RWDD3: variants seen among roughly 807,000 people sequenced by gnomAD.
The protein encoded by RWDD3 is RWD domain containing 3.
In RWDD3, 30 loss-of-function variants were observed where a neutral mutation model predicts 26.5. The observed-to-expected ratio is 1.13, with a 90% CI of 0.85 to 1.54. The LOEUF (loss-of-function observed/expected upper bound fraction) is 1.54. Among genes scored for constraint, RWDD3 ranks in the 40% most tolerant of loss-of-function variants. RWDD3 has a pLI of 0.00. For missense variants in RWDD3, 296 were observed against 309.1 expected (o/e 0.96, Z 0.32); for synonymous variants, 113 against 114.5 (o/e 0.99, Z 0.09).
chr1:95,243,457 GT>G lies in RWDD3; in HGVS notation c.86-750del, dbSNP rs1389693679. On this transcript the variant is annotated intron_variant, in intron 1 of 3. Transcript: ENST00000370202. The stretch of plus-strand genomic sequence containing the variant: ...CCAGTTCTGTTCTACTCAGCCTGAC[GT>G]TTTATCATCTTTTTGAAAAGTGGCA... The G allele has an allele frequency of 4.6e-5, 7 of 152,346 alleles. No individual in the cohort carries two copies. In the East Asian group the frequency reaches 1.4e-3, roughly 29 times the overall value. 9.4% of individuals were successfully genotyped at this position (152,346 alleles called of 1,614,324 possible).
chr1:95,235,077 T>A (rs1446463786), intron 1 of RWDD3, among the ~76,000 whole-genome samples: 1 of 151,616 alleles, frequency 6.6e-6, no homozygotes, highest in East Asian at 1.9e-4. Flanking sequence ...GACGGAGTCT[T>A]GCTTTGTCGC....
chr1:95,235,351 C>CTTTTTTT lies in RWDD3; in HGVS notation c.85+1055_85+1061dup. 3.2e-3 allele frequency among the ~76,000 whole-genome samples: 132 copies of CTTTTTTT among 41,370 alleles called. 27 individuals are homozygous for CTTTTTTT. Among genetic ancestry groups the CTTTTTTT allele is most frequent in the East Asian group, 5.8e-3 (6 of 1,026 alleles). The allele number at this position is 41,370 out of a possible 152,430, so 27.1% of individuals were successfully genotyped here. On this transcript the variant is annotated intron_variant, in intron 1 of 3. Coordinates refer to ENST00000370202, the MANE Select transcript of RWDD3 (RefSeq NM_015485.5). The stretch of plus-strand genomic sequence containing the variant: ...ACAGGCGTGAGCCACTGCGCCCGGC[C>CTTTTTTT]TTTTTTTTTTTTTTTTTTTTTTTTT...
intron 1 of RWDD3, among the ~76,000 whole-genome samples, chr1:95,235,659 T>C (rs1465224687): frequency 1.3e-5 from 2 of 151,332 alleles, no homozygotes; most frequent in African/African-American, 4.8e-5. Flanking sequence ...GTGCCTGGCC[T>C]TCTGATACTT....
intron 1 of RWDD3, chr1:95,237,375 A>T (rs1242792891): frequency 6.6e-6 from 1 of 152,284 alleles, no homozygotes; most frequent in Non-Finnish European, 1.5e-5. Flanking sequence ...TGGAATCAGG[A>T]GAATGTTGCA....
At chr1:95,244,942 C>T (rs1680791746) in intron 2 of RWDD3, 2 of 449,230 alleles carry the variant, frequency 4.5e-6, no homozygotes, top group Admixed American at 4.1e-5. Flanking sequence ...AATAAAGTGA[C>T]AGGTTATTTA....
chr1:95,235,351 C>CTTTTTTTTTTT, intron 1 of RWDD3, among the ~76,000 whole-genome samples: 1 of 41,352 alleles, frequency 2.4e-5, no homozygotes, highest in Non-Finnish European at 4.0e-5. Flanking sequence ...TGCGCCCGGC[C>CTTTTTTTTTTT]TTTTTTTTTT....
chr1:95,241,628 C>T (rs1244595632), intron 1 of RWDD3, among the ~76,000 whole-genome samples: 1 of 152,328 alleles, frequency 6.6e-6, no homozygotes, highest in East Asian at 1.9e-4. Flanking sequence ...GCTCAGAAGG[C>T]ATTCAGAAAT....
chr1:95,236,877 G>A (rs1680384836), intron 1 of RWDD3, among the ~76,000 whole-genome samples: 1 of 152,170 alleles, frequency 6.6e-6, no homozygotes, highest in South Asian at 2.1e-4. Context: ...AAACACTGCT[G>A]AAGGGTCAGA....
At position 95,246,382 on chromosome 1, in the gene RWDD3, G is replaced by A; in HGVS notation, c.574-160G>A. On this transcript the variant is annotated intron_variant, in intron 2 of 3. Coordinates refer to ENST00000370202, the MANE Select transcript of RWDD3 (RefSeq NM_015485.5). ...CCTGTATCCACCACTACATTATTCT[G>A]CCAAGTATGTTAAAACAAGTATATA... 7.2e-6 allele frequency: 4 copies of A among 554,706 alleles called. No individual in the cohort carries two copies. In the South Asian group the frequency reaches 1.1e-4, roughly 15 times the overall value. The allele number at this position is 554,706 out of a possible 1,614,324, so 34.4% of individuals were successfully genotyped here. A position where few individuals can be genotyped will look rare whatever the true frequency, so the allele number is the denominator to read the frequency against.
At position 95,234,331 on chromosome 1, in the gene RWDD3, C is replaced by CG; in HGVS notation, c.85+19dup. 1 of 1,579,208 alleles carries CG rather than the reference C, an allele frequency of 6.3e-7. No individual in the cohort carries two copies. Among genetic ancestry groups the CG allele is most frequent in the Non-Finnish European group, 8.6e-7 (1 of 1,162,458 alleles). On this transcript the variant is annotated intron_variant, in intron 1 of 3. Transcript: ENST00000370202. ...AGCCGCTCAGGTGACTACCCGCGCG[C>CG]GGGAGGGACAGGGCGCCCTCAGGGG...
chr1:95,239,850 T>C (rs954323843), intron 1 of RWDD3: 1 of 1,289,656 alleles, frequency 7.8e-7, no homozygotes, highest in African/African-American at 1.5e-5. Flanking sequence ...TTTTCAAGAC[T>C]TTCCCCCTGG....
intron 1 of RWDD3, among the ~76,000 whole-genome samples, chr1:95,234,972 A>C (rs2101087147): frequency 6.6e-6 from 1 of 151,934 alleles, no homozygotes; most frequent in East Asian, 1.9e-4. Flanking sequence ...GACTCACTGC[A>C]GCCTCCGCCT....
chr1:95,241,996 G>C (rs1052012800), intron 1 of RWDD3, among the ~76,000 whole-genome samples: 2 of 152,000 alleles, frequency 1.3e-5, no homozygotes, highest in African/African-American at 4.8e-5. Context: ...CTATCAACTC[G>C]AGGTAAAGAG....
intron 1 of RWDD3, among the ~76,000 whole-genome samples, chr1:95,235,308 T>C (rs1275420389): frequency 2.2e-5 from 3 of 138,738 alleles, no homozygotes; most frequent in Non-Finnish European, 3.1e-5. Flanking sequence ...CGCCTCGGCC[T>C]CCGAAAGTGC....
At chr1:95,234,420 G>T (rs1348751376) in intron 1 of RWDD3, 105 bp downstream of exon 1, 2 of 1,020,494 alleles carry the variant, frequency 2.0e-6, no homozygotes, top group Non-Finnish European at 3.0e-6. Flanking sequence ...CTGGGCCCAC[G>T]TATGGGGACC....
rs1034551680 is a variant in RWDD3 at position 95,234,215 on chromosome 1, G to A, written c.-16G>A. 1 of 1,574,056 alleles carries A rather than the reference G, an allele frequency of 6.4e-7. No homozygotes were observed. Among genetic ancestry groups the A allele is most frequent in the East Asian group, 2.3e-5 (1 of 42,864 alleles). ...GCAGCGGAAGGGGAAGCGCTGAGGC[G>A]GTGGGGCCCACAGCCATGGCGGAGC... is the stretch of plus-strand genomic sequence containing the variant. On this transcript the variant is annotated 5_prime_UTR_variant, in exon 1 of 4. Transcript: ENST00000370202.
chr1:95,239,406 G>T (rs1301680893), intron 1 of RWDD3, among the ~76,000 whole-genome samples: 1 of 152,138 alleles, frequency 6.6e-6, no homozygotes, highest in Non-Finnish European at 1.5e-5. Flanking sequence ...TTAATTGCTT[G>T]TACAATGTCA....
At chr1:95,245,902 A>G (rs995286925) in intron 2 of RWDD3, among the ~76,000 whole-genome samples, 1 of 152,120 alleles carries the variant, frequency 6.6e-6, no homozygotes, top group Non-Finnish European at 1.5e-5. Context: ...TTTAACTAGA[A>G]CCCTGCTAAT....
intron 1 of RWDD3, among the ~76,000 whole-genome samples, chr1:95,242,217 T>C (rs1038823931): frequency 6.6e-6 from 1 of 152,242 alleles, no homozygotes; most frequent in Non-Finnish European, 1.5e-5. Flanking sequence ...TATGTACATG[T>C]ATATGTACGC....
Sources: gnomAD v4.1 joint callset for allele counts (sites outside exome capture counted in the v4.1 genomes callset) on GRCh38, gnomAD v4.1.1 for gene constraint, MANE v1.5 for transcripts, NCBI Gene and HGNC (gene_info 2026-07-23, HGNC 2026-07-21) for gene names.